GYPB: variants seen among roughly 807,000 people sequenced by gnomAD.
GYPB encodes glycophorin B (MNS blood group).
GYPB carries 13 observed loss-of-function variants against 15.3 expected under a neutral mutation model. That is an observed-to-expected ratio of 0.85 (90% CI 0.55 to 1.35). GYPB has a LOEUF of 1.35. Ranked by LOEUF, GYPB falls within the 40% of genes most tolerant of loss-of-function variation. The pLI, the probability that GYPB is intolerant of heterozygous loss-of-function variation, is 0.00. For synonymous variants in GYPB, 38 were observed against 36.9 expected, an observed-to-expected ratio of 1.03 and a Z score of -0.11; for missense variants, 131 against 108.3, an observed-to-expected ratio of 1.21 and a Z score of -0.93.
At position 143,997,637 on chromosome 4, in the gene GYPB, A is replaced by G; in HGVS notation, c.176-3T>C. On this transcript the variant is annotated splice_region_variant and splice_polypyrimidine_tract_variant and intron_variant, in intron 3 of 4. Transcript: ENST00000502664. ...AATGAGTATTATCACTACAGGAGCT[A>G]AAGAGAGCAGCAAAATTATGAAAGT... 1.4e-6 allele frequency: 2 copies of G among 1,473,580 alleles called. No individual in the cohort carries two copies. The highest frequency in any genetic ancestry group is 1.1e-5 in the South Asian group (1 of 88,158). 91.3% of individuals were successfully genotyped at this position (1,473,580 alleles called of 1,614,324 possible).
intron 4 of GYPB, 125 bp from the exon 5 acceptor site, chr4:143,996,429 A>G: frequency 6.6e-7 from 1 of 1,517,026 alleles, no homozygotes; most frequent in Non-Finnish European, 8.9e-7. Flanking sequence ...GAGGCTTCTA[A>G]AGGGTACCTA....
At position 144,019,378 on chromosome 4, in the gene GYPB, G is replaced by A. The variant is rs1309736883; in HGVS notation, c.-91C>T. On this transcript the variant is annotated 5_prime_UTR_variant, in exon 1 of 5. Transcript: ENST00000502664. ...AGTGTCTGGCCTTAGCCTACTAGCT[G>A]TTATCTTCCAGGCCCACCTTCCTGC... is the stretch of plus-strand genomic sequence containing the variant. 2.1e-5 allele frequency: 34 copies of A among 1,607,152 alleles called. No homozygotes were observed. Among genetic ancestry groups the A allele is most frequent in the Non-Finnish European group, 2.8e-5 (33 of 1,177,364 alleles).
rs1727380715 is a variant in GYPB at position 143,997,452 on chromosome 4, T to C, written c.270+88A>G. The stretch of plus-strand genomic sequence containing the variant: ...GGAATTTTATGCAGTTCTGTTTCTC[T>C]TCTGAGTTTAACTGAACTCAGAGGA... On this transcript the variant is annotated intron_variant, in intron 4 of 4. Transcript: ENST00000502664. 7.8e-6 allele frequency: 6 copies of C among 768,738 alleles called. No homozygotes were observed. In the Admixed American group the frequency reaches 1.1e-4, roughly 14 times the overall value. The allele number at this position is 768,738 out of a possible 1,614,324, so 47.6% of individuals were successfully genotyped here.
At chr4:144,011,975 T>A (rs1292607384) in intron 1 of GYPB, among the ~76,000 whole-genome samples, 3 of 152,140 alleles carry the variant, frequency 2.0e-5, no homozygotes, top group African/African-American at 7.3e-5. Context: ...TGTATTTATT[T>A]CCTTCTATTT....
intron 1 of GYPB, among the ~76,000 whole-genome samples, chr4:144,011,782 T>G (rs974112229): frequency 1.3e-5 from 2 of 151,306 alleles, no homozygotes; most frequent in Non-Finnish European, 2.9e-5. Context: ...ATACACTCAT[T>G]TTGAAAGAAC....
At position 144,011,077 on chromosome 4, in the gene GYPB, T is replaced by C. The variant is rs562846450; in HGVS notation, c.37+8174A>G. Among the ~76,000 whole-genome samples the C allele has an allele frequency of 1.2e-3, 180 of 151,670 alleles. 1 individual carries two copies. Among genetic ancestry groups the C allele is most frequent in the Non-Finnish European group, 3.8e-4 (26 of 68,020 alleles). On this transcript the variant is annotated intron_variant, in intron 1 of 4. Transcript: ENST00000502664. ...GTGTTAAAAGACAGAAACTTTTAGA[T>C]TGAGTCAAAAGAGATAGGTTAGGAC...
At chr4:144,008,579 G>T (rs1560711488) in intron 1 of GYPB, 1 of 440,670 alleles carries the variant, frequency 2.3e-6, no homozygotes, top group Non-Finnish European at 4.6e-6. Flanking sequence ...AGAATCCTCA[G>T]AACAAAAGGG....
intron 1 of GYPB, chr4:144,008,538 A>G (rs1728046072): frequency 2.2e-6 from 1 of 454,770 alleles, no homozygotes; most frequent in East Asian, 6.9e-5. Context: ...CCAGCCAAGC[A>G]TATTCCAATC....
intron 1 of GYPB, among the ~76,000 whole-genome samples, chr4:144,013,130 G>T (rs1728304702): frequency 6.6e-6 from 1 of 151,406 alleles, no homozygotes; most frequent in Admixed American, 6.6e-5. Context: ...TTAAAAATGG[G>T]TGAAGGACAT....
At chr4:144,017,339 A>G (rs1359817550) in intron 1 of GYPB, among the ~76,000 whole-genome samples, 1 of 146,104 alleles carries the variant, frequency 6.8e-6, no homozygotes, top group Non-Finnish European at 1.5e-5. Context: ...TTTCATAGCA[A>G]AAAAAAAAAA....
rs555513691 is a variant in GYPB, at chr4:144,000,396, T to C, written c.136+789A>G. The C allele has an allele frequency of 5.1e-5, 55 of 1,070,924 alleles. No homozygotes were observed. The Middle Eastern group carries it at 1.2e-3, about 24-fold the overall frequency. 66.3% of individuals were successfully genotyped at this position (1,070,924 alleles called of 1,614,324 possible). A position where few individuals can be genotyped will look rare whatever the true frequency, so the allele number is the denominator to read the frequency against. On this transcript the variant is annotated intron_variant, in intron 2 of 4. Transcript: ENST00000502664. ...CTAAGAACATAACGTTTTTCTTTTC[T>C]GGAGGGGAAACAGTTGTAACAGAAA...
intron 1 of GYPB, among the ~76,000 whole-genome samples, chr4:144,016,260 G>A (rs1728494408): frequency 6.7e-6 from 1 of 149,178 alleles, no homozygotes; most frequent in South Asian, 2.1e-4. Flanking sequence ...ATAATGATCT[G>A]TCTATGCGGA....
In GYPB at chr4:143,998,490, C is replaced by T. The variant is rs543826662; in HGVS notation, c.176-856G>A. 8.8e-4 allele frequency among the ~76,000 whole-genome samples: 129 copies of T among 147,256 alleles called. 11 individuals are homozygous for T. Among genetic ancestry groups the T allele is most frequent in the East Asian group, 7.5e-3 (38 of 5,090 alleles). ...CTTGACCACTTAGCTTGAATGTATG[C>T]GATAGTGATGAAGTTCTATGATGTG... On this transcript the variant is annotated intron_variant, in intron 3 of 4. Coordinates refer to ENST00000502664, the MANE Select transcript of GYPB (RefSeq NM_002100.6).
chr4:144,007,713 G>T (rs1188669484), intron 1 of GYPB, among the ~76,000 whole-genome samples: 1 of 151,614 alleles, frequency 6.6e-6, no homozygotes, highest in Admixed American at 6.6e-5. Flanking sequence ...TGGGGGATCT[G>T]TGAAAGTCTC....
chr4:144,010,987 G>C (rs1196084253), intron 1 of GYPB, among the ~76,000 whole-genome samples: 1 of 151,530 alleles, frequency 6.6e-6, no homozygotes, highest in Admixed American at 6.6e-5. Flanking sequence ...ATATGAAATA[G>C]GATAACAGAA....
intron 1 of GYPB, among the ~76,000 whole-genome samples, chr4:144,009,806 G>C (rs560115528): frequency 6.7e-6 from 1 of 149,376 alleles, no homozygotes; most frequent in South Asian, 2.1e-4. Context: ...GTAGAGATGG[G>C]GTTTCACTGT....
chr4:143,996,106 C>A lies in GYPB; in HGVS notation c.*193G>T, dbSNP rs371631493. On this transcript the variant is annotated 3_prime_UTR_variant, in exon 5 of 5. Transcript: ENST00000502664. ...AAATCATGACTATAATACATGAAAA[C>A]GGTTTGTATTTTGTTTTATTTTTAT... 610 of 1,382,524 alleles carry A rather than the reference C, an allele frequency of 4.4e-4. 4 individuals are homozygous for A. In the Middle Eastern group the frequency reaches 5.0e-3, roughly 11 times the overall value. 85.6% of individuals were successfully genotyped at this position (1,382,524 alleles called of 1,614,324 possible). A position where few individuals can be genotyped will look rare whatever the true frequency, so the allele number is the denominator to read the frequency against.
chr4:144,007,987 C>A (rs1320655410), intron 1 of GYPB, among the ~76,000 whole-genome samples: 1 of 151,372 alleles, frequency 6.6e-6, no homozygotes, highest in Non-Finnish European at 1.5e-5. Context: ...TCATGGAAAT[C>A]TGTATGTCTA....
chr4:144,013,351 G>T (rs1002263686), intron 1 of GYPB, among the ~76,000 whole-genome samples: 9 of 151,184 alleles, frequency 6.0e-5, no homozygotes, highest in Non-Finnish European at 1.3e-4. Context: ...CATTGTGGAA[G>T]TCAGTGTGGC....
Sources: gnomAD v4.1 joint callset for allele counts (sites outside exome capture counted in the v4.1 genomes callset) on GRCh38, gnomAD v4.1.1 for gene constraint, MANE v1.5 for transcripts, NCBI Gene and HGNC (gene_info 2026-07-23, HGNC 2026-07-21) for gene names.